PIEZO2: variants seen among roughly 807,000 people sequenced by gnomAD.
The protein encoded by PIEZO2 is piezo type mechanosensitive ion channel component 2, also known as piezo-type mechanosensitive ion channel component 2.
A neutral mutation model predicts 337.3 loss-of-function variants in PIEZO2; 172 were observed. The ratio of observed to expected loss-of-function variants is 0.51; its 90% CI spans 0.45 to 0.58. The LOEUF is 0.58. Ranked by LOEUF, PIEZO2 falls within the 20% of genes least tolerant of loss-of-function variation. The pLI is 0.00. For synonymous variants in PIEZO2, 1,251 were observed against 1,228.5 expected, an observed-to-expected ratio of 1.02 and a Z score of -0.38; for missense variants, 3,028 against 3,391.3, an observed-to-expected ratio of 0.89 and a Z score of 2.66.
At chr18:11,079,871 A>G (rs988312995) in intron 1 of PIEZO2, among the ~76,000 whole-genome samples, 1 of 152,258 alleles carries the variant, frequency 6.6e-6, no homozygotes, top group African/African-American at 2.4e-5. Context: ...ATTCTGTGCA[A>G]CAGTTACAAA....
chr18:11,078,968 C>T lies in PIEZO2; in HGVS notation c.65-12746G>A, dbSNP rs1212256968. On this transcript the variant is annotated intron_variant, in intron 1 of 55. Coordinates refer to ENST00000674853, the MANE Select transcript of PIEZO2 (RefSeq NM_001378183.1). The surrounding 1 kb of genome is among the most constrained non-coding windows in gnomAD (Gnocchi z 5.3). ...CCCTTCTTTTCAGTCTACACCACAG[C>T]GTCATACCTTAGAAAGTTACGGTAG... Among the ~76,000 whole-genome samples the T allele has an allele frequency of 1.3e-5, 2 of 152,198 alleles. No homozygotes were observed. Among genetic ancestry groups the T allele is most frequent in the Admixed American group, 6.5e-5 (1 of 15,280 alleles).
In PIEZO2 at chr18:10,826,156, G is replaced by C. The variant is rs367582713; in HGVS notation, c.918-18882C>G. 7.9e-5 allele frequency among the ~76,000 whole-genome samples: 12 copies of C among 152,290 alleles called. No individual in the cohort carries two copies. In the South Asian group the frequency reaches 2.3e-3, roughly 29 times the overall value. On this transcript the variant is annotated intron_variant, in intron 7 of 55. Transcript: ENST00000674853. ...AGGAGCCCTGGTTCCTTTTATTGGA[G>C]AGTGGTATTTAGAAACCAAGATGTG...
rs2040168363 is a variant in PIEZO2, at chr18:11,125,907, A to T, written c.64+22618T>A. 2.0e-5 allele frequency among the ~76,000 whole-genome samples: 3 copies of T among 152,264 alleles called. No homozygotes were observed. The highest frequency in any genetic ancestry group is 7.2e-5 in the African/African-American group (3 of 41,470). ...CACACCTGCTAACTTGAGGGCTGCCAGGGCAGCTCTAGTGCCCAACGGTAG... is the reference window on the plus strand; with the variant it reads ...CACACCTGCTAACTTGAGGGCTGCCTGGGCAGCTCTAGTGCCCAACGGTAG... On this transcript the variant is annotated intron_variant, in intron 1 of 55. Coordinates refer to ENST00000674853, the MANE Select transcript of PIEZO2 (RefSeq NM_001378183.1). The surrounding 1 kb of genome is among the most constrained non-coding windows in gnomAD (Gnocchi z 4.4).
At position 10,791,239 on chromosome 18, in the gene PIEZO2, G is replaced by C. The variant is rs1299190916; in HGVS notation, c.1844C>G (p.Ser615Trp). 1.3e-6 allele frequency: 2 copies of C among 1,535,924 alleles called. No individual in the cohort carries two copies. Among genetic ancestry groups the C allele is most frequent in the South Asian group, 1.2e-5 (1 of 83,888 alleles). The change falls in exon 14 of 56, where the codon TCG becomes TGG. Residue 615 changes from serine (S) to tryptophan (W), a missense_variant. By Grantham distance (177) the Ser-to-Trp change is radical (BLOSUM62 -3). This residue lies in a region of PIEZO2 where 1,925 missense variants were observed against 2,051.9 expected (regional missense o/e 0.94). Transcript: ENST00000674853. ...KALQEKEALL[S>W]EVKIGSQENE... ...TTCCTGACTGCCAATTTTGACTTCC[G>C]ATAAAAGAGCTTCCTTTTCTTGCAG...
chr18:10,743,152 C>T (rs1216491280), intron 31 of PIEZO2, among the ~76,000 whole-genome samples: 1 of 152,076 alleles, frequency 6.6e-6, no homozygotes, highest in Non-Finnish European at 1.5e-5. Flanking sequence ...ACAGTTGTAC[C>T]ATATTGCATT....
rs2036775482 is a variant in PIEZO2 at position 11,032,425 on chromosome 18, C to A, written c.160+33702G>T. On this transcript the variant is annotated intron_variant, in intron 2 of 55. Coordinates refer to ENST00000674853, the MANE Select transcript of PIEZO2 (RefSeq NM_001378183.1). The surrounding 1 kb of genome is among the most constrained non-coding windows in gnomAD (Gnocchi z 4.9). ...TACTTCACCTGGGAATAACGATTTA[C>A]TGAATTTCAGCTCTTGCTCTATTAG... Among the ~76,000 whole-genome samples, 1 of 152,216 alleles carries A rather than the reference C, an allele frequency of 6.6e-6. No individual in the cohort carries two copies. The highest frequency in any genetic ancestry group is 1.5e-5 in the Non-Finnish European group (1 of 68,048).
intron 49 of PIEZO2, 146 bp downstream of exon 49, chr18:10,689,509 G>C: frequency 9.6e-7 from 1 of 1,036,462 alleles, no homozygotes; most frequent in Non-Finnish European, 1.4e-6. Context: ...CCCAACTCTA[G>C]TGGGTTGGAA....
Position 10,807,116 on chromosome 18 carries a change from G to A in PIEZO2, c.1076C>T (p.Pro359Leu). 1 of 1,534,712 alleles carries A rather than the reference G, an allele frequency of 6.5e-7. No individual in the cohort carries two copies. Among genetic ancestry groups the A allele is most frequent in the Non-Finnish European group, 8.7e-7 (1 of 1,145,750 alleles). The change falls in exon 8 of 56, where the codon CCC becomes CTC. Residue 359 changes from proline (P) to leucine (L), a missense_variant. By Grantham distance (98) the Pro-to-Leu change is moderately conservative (BLOSUM62 -3). Transcript: ENST00000674853. ...ATLIRIWLQE[P>L]LVQDEGTKEE... ...TGAAAATGTTTTTGTCCTTACAAGG[G>A]GCTCTTGCAGCCAGATGCGGATCAG...
chr18:10,872,457 T>A lies in PIEZO2; in HGVS notation c.330-1042A>T, dbSNP rs975618303. ...GGGAATGAGAGGCAGTATACTGAGT[T>A]GCCAGCATAGTTGGCCAGCACACAT... On this transcript the variant is annotated intron_variant, in intron 4 of 55. Transcript: ENST00000674853. The surrounding 1 kb of genome is among the most constrained non-coding windows in gnomAD (Gnocchi z 4.3). Among the ~76,000 whole-genome samples the A allele has an allele frequency of 6.6e-6, 1 of 152,162 alleles. No homozygotes were observed. Among genetic ancestry groups the A allele is most frequent in the African/African-American group, 2.4e-5 (1 of 41,430 alleles).
At position 11,047,339 on chromosome 18, in the gene PIEZO2, G is replaced by T. The variant is rs1287458161; in HGVS notation, c.160+18788C>A. On this transcript the variant is annotated intron_variant, in intron 2 of 55. Transcript: ENST00000674853. This position sits in a 1 kb window ranked among gnomAD's most constrained non-coding sequence, Gnocchi z 7.2. Reference sequence around the variant, plus strand: ...ATTCAGGAATAGCAGTGGGATGGGGGTGGGGAGCAAGGTTGGAATGGAGTA... The same window carrying T: ...ATTCAGGAATAGCAGTGGGATGGGGTTGGGGAGCAAGGTTGGAATGGAGTA... Among the ~76,000 whole-genome samples, 1 of 152,202 alleles carries T rather than the reference G, an allele frequency of 6.6e-6. No homozygotes were observed. The highest frequency in any genetic ancestry group is 1.5e-5 in the Non-Finnish European group (1 of 68,042).
At chr18:11,022,956 C>T (rs887325278) in intron 2 of PIEZO2, among the ~76,000 whole-genome samples, 6 of 152,018 alleles carry the variant, frequency 3.9e-5, no homozygotes, top group Non-Finnish European at 8.8e-5. Context: ...AGTGAAGCTG[C>T]GCACCTTCGC....
chr18:11,066,792 G>A (rs1187600345), intron 1 of PIEZO2, among the ~76,000 whole-genome samples: 1 of 152,184 alleles, frequency 6.6e-6, no homozygotes. Context: ...TAGAGACGGG[G>A]TTTCGCCATG....
At chr18:10,970,222 C>A (rs922061039) in intron 3 of PIEZO2, among the ~76,000 whole-genome samples, 10 of 152,108 alleles carry the variant, frequency 6.6e-5, no homozygotes, top group Non-Finnish European at 1.5e-4. Flanking sequence ...AGAGGACTGG[C>A]AGAGTACGTA....
At chr18:10,715,297 G>GAA (rs200486573) in intron 38 of PIEZO2, among the ~76,000 whole-genome samples, 8 of 152,240 alleles carry the variant, frequency 5.3e-5, no homozygotes, top group African/African-American at 1.4e-4. Flanking sequence ...TCAGGTGGGA[G>GAA]AAAACAAACA....
intron 1 of PIEZO2, among the ~76,000 whole-genome samples, chr18:11,084,748 T>C (rs1415331327): frequency 6.6e-6 from 1 of 152,188 alleles, no homozygotes; most frequent in African/African-American, 2.4e-5. Flanking sequence ...AACTTCTCAG[T>C]TGTGAATTTC....
rs1491176250 is a variant in PIEZO2, at chr18:10,809,580, T to TC, written c.918-2307_918-2306insG. 1.2e-3 allele frequency among the ~76,000 whole-genome samples: 8 copies of TC among 6,438 alleles called. 1 individual carries two copies. The highest frequency in any genetic ancestry group is 7.9e-3 in the South Asian group (1 of 126). The allele number at this position is 6,438 out of a possible 152,430, so 4.2% of individuals were successfully genotyped here. On this transcript the variant is annotated intron_variant, in intron 7 of 55. Transcript: ENST00000674853. ...ACCGCACCTGGCATCTCTCTCTCTCTTTTTTTTTTTCTAAAGAAACTAGAT... is the reference window on the plus strand; with the variant it reads ...ACCGCACCTGGCATCTCTCTCTCTCTCTTTTTTTTTTCTAAAGAAACTAGAT...
At chr18:11,026,667 C>A (rs2036552642) in intron 2 of PIEZO2, among the ~76,000 whole-genome samples, 1 of 152,232 alleles carries the variant, frequency 6.6e-6, no homozygotes, top group Non-Finnish European at 1.5e-5. Flanking sequence ...AATGCTCCCT[C>A]CACTGCCCTC....
intron 1 of PIEZO2, among the ~76,000 whole-genome samples, chr18:11,089,061 C>T (rs1241351694): frequency 2.0e-5 from 3 of 152,176 alleles, no homozygotes; most frequent in Non-Finnish European, 4.4e-5. Context: ...TTCGTATGTG[C>T]ATGTGTGCAT....
At chr18:10,782,460 ATT>A (rs1330382137) in intron 17 of PIEZO2, among the ~76,000 whole-genome samples, 1 of 29,368 alleles carries the variant, frequency 3.4e-5, no homozygotes, top group African/African-American at 1.1e-4. Flanking sequence ...TAGTATATAT[ATT>A]ATATTAAATA....
Sources: gnomAD v4.1 joint callset for allele counts (sites outside exome capture counted in the v4.1 genomes callset) on GRCh38, gnomAD v4.1.1 for gene constraint, gnomAD v4.1.1 regional missense constraint, Gnocchi (gnomAD v3.1) non-coding constraint, MANE v1.5 for transcripts, NCBI Gene and HGNC (gene_info 2026-07-23, HGNC 2026-07-21) for gene names.